NLRP11: variants seen among roughly 807,000 people sequenced by gnomAD.
NLRP11 encodes the protein NLR family pyrin domain containing 11.
Under a neutral mutation model 79.3 loss-of-function variants are expected in NLRP11, and 53 were observed. The ratio of observed to expected loss-of-function variants is 0.67; its 90% confidence interval spans 0.54 to 0.84. The LOEUF (loss-of-function observed/expected upper bound fraction) is 0.84, where lower values mean the gene tolerates loss of function less well. Ranked by LOEUF, NLRP11 falls within the 40% of genes least tolerant of loss-of-function variation. The probability of loss-of-function intolerance (pLI) is 0.00; values close to 1 mark genes in which losing one functional copy is unlikely to be tolerated. For missense variants in NLRP11, 1,264 were observed against 1,255.0 expected, an observed-to-expected ratio of 1.01 and a Z score of -0.11; for synonymous variants, 518 against 462.6, an observed-to-expected ratio of 1.12 and a Z score of -1.54.
chr19:55,798,241 G>T, intron 5 of NLRP11: 2 of 763,954 alleles, frequency 2.6e-6, no homozygotes, highest in Non-Finnish European at 3.2e-6. Flanking sequence ...CAGGTGATCT[G>T]CCCGCCTCGG....
Position 55,785,898 on chromosome 19 carries a change from G to C in NLRP11, c.2856-27C>G, listed in dbSNP as rs368951328. The C allele has an allele frequency of 2.1e-5, 33 of 1,602,868 alleles. No individual in the cohort carries two copies. In the African/African-American group the frequency reaches 4.0e-4, roughly 20 times the overall value. ...TGAAGGAAAACAGAGAGAGAACGCC[G>C]TTAATGCTACATGTGAGGTCTCAGC... On this transcript the variant is annotated intron_variant, in intron 9 of 9. Coordinates refer to ENST00000589093, the Ensembl canonical transcript of NLRP11.
intron 1 of NLRP11, among the ~76,000 whole-genome samples, chr19:55,827,914 G>A (rs1982386285): frequency 6.6e-6 from 1 of 151,602 alleles, no homozygotes; most frequent in South Asian, 2.1e-4. Flanking sequence ...TCCCATTACT[G>A]GGTATATACC....
At chr19:55,785,765 C>T (rs1263684649) in exon 10 of NLRP11, 1 of 1,614,126 alleles carries the variant, frequency 6.2e-7, no homozygotes, top group Admixed American at 1.7e-5. Context: ...ATTTCTCTGC[C>T]TTCCTTTAAA....
At position 55,809,511 on chromosome 19, in the gene NLRP11, T is replaced by C. The variant is rs975138931; in HGVS notation, c.1099A>G (p.Thr367Ala). The change falls in exon 3 of 10, where the codon ACT becomes GCT. Residue 367 changes from threonine to alanine, a missense_variant. By Grantham distance (58) the Thr-to-Ala change is moderately conservative (BLOSUM62 0). Coordinates refer to ENST00000589093, the Ensembl canonical transcript of NLRP11. The surrounding 1 kb of genome is among the most constrained non-coding windows in gnomAD (Gnocchi z 4.5). ...GCAAGAAAGTGGGCATGTAGATCAG[T>C]GGGTGTTTGGCAGCAGAGCTGGAAG... is the stretch of plus-strand genomic sequence containing the variant. The C allele has an allele frequency of 2.6e-5, 42 of 1,613,894 alleles. No individual in the cohort carries two copies. The highest frequency in any genetic ancestry group is 3.3e-5 in the Non-Finnish European group (39 of 1,180,004).
rs770061598 is a variant in NLRP11 at position 55,792,488 on chromosome 19, G to GT, written c.2343-18dup. 1.2e-6 allele frequency: 2 copies of GT among 1,611,488 alleles called. No homozygotes were observed. Among genetic ancestry groups the GT allele is most frequent in the Non-Finnish European group, 1.7e-6 (2 of 1,178,002 alleles). The stretch of plus-strand genomic sequence containing the variant: ...AAGACTAACCTGCACACAGAGAAGA[G>GT]TGAGTCAGTGACAGTGTGAGCACCA... On this transcript the variant is annotated splice_polypyrimidine_tract_variant and intron_variant, in intron 6 of 9. Transcript: ENST00000589093.
intron 2 of NLRP11, among the ~76,000 whole-genome samples, chr19:55,816,469 T>C (rs1393602675): frequency 2.6e-5 from 4 of 152,182 alleles, no homozygotes; most frequent in Non-Finnish European, 2.9e-5. Context: ...ATGATCTTGG[T>C]AAGTTCTCTT....
Position 55,809,010 on chromosome 19 carries a change from G to C in NLRP11, c.1600C>G (p.Arg534Gly). The change falls in exon 3 of 10, where the codon CGT becomes GGT. Residue 534 changes from arginine (R) to glycine (G), a missense_variant. Transcript: ENST00000589093. The surrounding 1 kb of genome is among the most constrained non-coding windows in gnomAD (Gnocchi z 4.5). ...TGGTGCGTCAACTTTTCCGGGTCAC[G>C]GTCCAAATGTTTCATGTATCCCACC... 6.2e-7 allele frequency: 1 copy of C among 1,614,030 alleles called. No individual in the cohort carries two copies. The highest frequency in any genetic ancestry group is 1.7e-4 in the Middle Eastern group (1 of 6,058).
At chr19:55,821,189 GCT>G (rs146995362) in intron 1 of NLRP11, among the ~76,000 whole-genome samples, 11,836 of 140,452 alleles carry the variant, frequency 0.084, 604 homozygotes, top group Non-Finnish European at 0.11. Flanking sequence ...TATGTGACCA[GCT>G]CTCTCTCTCT....
intron 2 of NLRP11, among the ~76,000 whole-genome samples, chr19:55,813,795 G>C (rs1018118719): frequency 2.6e-5 from 4 of 152,150 alleles, no homozygotes; most frequent in Admixed American, 1.3e-4. Flanking sequence ...GAAACTCACT[G>C]AGTGGACTCA....
intron 1 of NLRP11, among the ~76,000 whole-genome samples, chr19:55,820,204 T>C (rs1217900013): frequency 6.6e-6 from 1 of 152,094 alleles, no homozygotes; most frequent in Non-Finnish European, 1.5e-5. Context: ...TTTAAATGCA[T>C]GGTTGAGCTG....
intron 6 of NLRP11, among the ~76,000 whole-genome samples, chr19:55,793,442 C>T (rs927894059): frequency 2.0e-5 from 3 of 150,970 alleles, no homozygotes; most frequent in Non-Finnish European, 4.4e-5. Context: ...GTGGTGTGCA[C>T]CTGTAGTCCC....
At chr19:55,785,535 ACACATC>A in exon 10 of NLRP11, 1 of 1,179,714 alleles carries the variant, frequency 8.5e-7, no homozygotes, top group Non-Finnish European at 1.2e-6. Flanking sequence ...ACACACACAC[ACACATC>A]AAATAGGAAA....
intron 4 of NLRP11, among the ~76,000 whole-genome samples, chr19:55,802,865 A>G (rs1979618488): frequency 6.6e-6 from 1 of 152,190 alleles, no homozygotes; most frequent in Non-Finnish European, 1.5e-5. Context: ...GAGGCCACAC[A>G]ACTACAACCG....
rs1163346600 is a variant in NLRP11 at position 55,814,728 on chromosome 19, T to TA, written c.271+3175dup. 5.3e-5 allele frequency among the ~76,000 whole-genome samples: 8 copies of TA among 152,320 alleles called. No individual in the cohort carries two copies. The South Asian group carries it at 8.3e-4, about 16-fold the overall frequency. Reference sequence around the variant, plus strand: ...GAGAAGATGGTAGACCAGAAGCTGGTAGTGTGCACCGCTCTCATGGAGAGA... The same window carrying TA: ...GAGAAGATGGTAGACCAGAAGCTGGTAAGTGTGCACCGCTCTCATGGAGAGA... On this transcript the variant is annotated intron_variant, in intron 2 of 9. Transcript: ENST00000589093.
At position 55,796,290 on chromosome 19, in the gene NLRP11, T is replaced by C. The variant is rs550856809; in HGVS notation, c.2172-40A>G. On this transcript the variant is annotated intron_variant, in intron 5 of 9. Transcript: ENST00000589093. ...CAGAAATGAAAAGAGGCTCCCGCGTTTAAGCTATCCCCTCTTTTAAATTAA... is the reference window on the plus strand; with the variant it reads ...CAGAAATGAAAAGAGGCTCCCGCGTCTAAGCTATCCCCTCTTTTAAATTAA... 1.8e-5 allele frequency: 28 copies of C among 1,538,998 alleles called. 1 individual carries two copies. In the African/African-American group the frequency reaches 2.4e-4, roughly 13 times the overall value.
At chr19:55,829,388 G>GTT (rs1982526653) in intron 1 of NLRP11, among the ~76,000 whole-genome samples, 1 of 151,920 alleles carries the variant, frequency 6.6e-6, no homozygotes, top group African/African-American at 2.4e-5. Flanking sequence ...CTTTAGGCTG[G>GTT]GCAGGGTGGC....
intron 7 of NLRP11, among the ~76,000 whole-genome samples, chr19:55,791,346 G>A (rs543258100): frequency 6.6e-6 from 1 of 152,204 alleles, no homozygotes; most frequent in African/African-American, 2.4e-5. Flanking sequence ...CTTGTCAAAG[G>A]AAGCAAGATT....
upstream of NLRP11, among the ~76,000 whole-genome samples, chr19:55,835,570 A>C (rs528561124): frequency 4.9e-4 from 74 of 150,586 alleles, no homozygotes; most frequent in African/African-American, 1.8e-3. Flanking sequence ...GGCCAGGCAC[A>C]GTGGCTCATG....
chr19:55,815,706 C>T (rs1477071913), intron 2 of NLRP11, among the ~76,000 whole-genome samples: 1 of 151,992 alleles, frequency 6.6e-6, no homozygotes, highest in Non-Finnish European at 1.5e-5. Flanking sequence ...TGTATAAAGA[C>T]ATGCAAAGAG....
Sources: allele counts gnomAD v4.1 joint callset (sites outside exome capture counted in the v4.1 genomes callset), GRCh38; gene constraint gnomAD v4.1.1; non-coding constraint Gnocchi (gnomAD v3.1); transcripts MANE v1.5; gene names NCBI Gene and HGNC (gene_info 2026-07-23, HGNC 2026-07-21).